The following PHACTR2 variants were observed in gnomAD, a reference collection of about 807,000 sequenced individuals.
PHACTR2 encodes phosphatase and actin regulator 2.
PHACTR2 carries 30 observed loss-of-function variants against 76.0 expected under a neutral mutation model. The ratio of observed to expected loss-of-function variants is 0.39; its 90% CI spans 0.30 to 0.54. The LOEUF (loss-of-function observed/expected upper bound fraction) is 0.54. PHACTR2 is among the 20% of genes least tolerant of loss of function. PHACTR2 has a pLI of 0.61. For missense variants in PHACTR2, 696 were observed against 781.1 expected (o/e 0.89, Z 1.30); for synonymous variants, 292 against 292.5 (o/e 1.00, Z 0.02).
chr6:143,568,550 A>G (rs548049134), intron 1 of PHACTR2, among the ~76,000 whole-genome samples: 17 of 152,356 alleles, frequency 1.1e-4, no homozygotes, highest in African/African-American at 4.1e-4. Context: ...TTCCTCCCAC[A>G]TATAAGCAAG....
At chr6:143,630,191 A>G (rs1349397358) in intron 1 of PHACTR2, among the ~76,000 whole-genome samples, 2 of 118,768 alleles carry the variant, frequency 1.7e-5, no homozygotes, top group Admixed American at 8.6e-5. Flanking sequence ...ATTTGAATGA[A>G]GATCAAAAAA....
chr6:143,690,154 C>T (rs990897600), intron 1 of PHACTR2, among the ~76,000 whole-genome samples: 1 of 152,146 alleles, frequency 6.6e-6, no homozygotes, highest in Non-Finnish European at 1.5e-5. Context: ...GCTAAGTGTC[C>T]TACATACCAT....
chr6:143,763,975 G>C (rs1454307891), intron 5 of PHACTR2, among the ~76,000 whole-genome samples: 1 of 152,206 alleles, frequency 6.6e-6, no homozygotes, highest in African/African-American at 2.4e-5. Context: ...TGAAAGAAAA[G>C]AGTATTCTCA....
chr6:143,702,531 T>C (rs1777938596), intron 1 of PHACTR2, among the ~76,000 whole-genome samples: 1 of 152,180 alleles, frequency 6.6e-6, no homozygotes, highest in South Asian at 2.1e-4. Context: ...GAAATAAGCC[T>C]GGATCAGGAA....
intron 1 of PHACTR2, among the ~76,000 whole-genome samples, chr6:143,626,454 G>C (rs1582712543): frequency 6.7e-6 from 1 of 150,336 alleles, no homozygotes; most frequent in Admixed American, 6.7e-5. Flanking sequence ...GGAGAATGGC[G>C]TGAACCCGGA....
chr6:143,706,714 ATT>A (rs1206257740), intron 1 of PHACTR2, among the ~76,000 whole-genome samples: 1 of 152,220 alleles, frequency 6.6e-6, no homozygotes, highest in Non-Finnish European at 1.5e-5. Flanking sequence ...AAAGGAAGAT[ATT>A]TGACCCAATC....
intron 1 of PHACTR2, among the ~76,000 whole-genome samples, chr6:143,568,221 C>T (rs1184020932): frequency 2.6e-5 from 4 of 152,130 alleles, no homozygotes; most frequent in Non-Finnish European, 4.4e-5. Flanking sequence ...CTAGAGATAC[C>T]ACCAAAGGAT....
chr6:143,609,303 C>T (rs780828039), intron 1 of PHACTR2, among the ~76,000 whole-genome samples: 17 of 152,140 alleles, frequency 1.1e-4, no homozygotes, highest in Non-Finnish European at 2.1e-4. Flanking sequence ...TTAAAGTCAG[C>T]GTGTATTAGG....
chr6:143,551,752 G>C (rs1445338639), intron 1 of PHACTR2, among the ~76,000 whole-genome samples: 2 of 152,146 alleles, frequency 1.3e-5, no homozygotes, highest in African/African-American at 4.8e-5. Context: ...GCAATAAGAA[G>C]ATATGTTAAT....
rs1004477333 is a variant in PHACTR2, at chr6:143,765,656, C to T, written c.1090C>T (p.Pro364Ser). 3 of 1,614,186 alleles carry T rather than the reference C, an allele frequency of 1.9e-6. No individual in the cohort carries two copies. The change falls in exon 6 of 13, where the codon CCA becomes TCA. Residue 364 changes from proline to serine, a missense_variant. By Grantham distance (74) the Pro-to-Ser change is moderately conservative. Transcript: ENST00000440869. The surrounding 1 kb of genome is among the most constrained non-coding windows in gnomAD (Gnocchi z 4.1). Reference protein sequence around the residue: ...EDQCITASDTPVVLVSVGADL... With the variant: ...EDQCITASDTSVVLVSVGADL... ...TCAGTGCATTACTGCCTCAGACACT[C>T]CAGTTGTCCTCGTCAGCGTTGGAGC...
Position 143,599,294 on chromosome 6 carries a change from A to G in PHACTR2, c.217+62087A>G, listed in dbSNP as rs1775788852. Among the ~76,000 whole-genome samples the G allele has an allele frequency of 6.6e-6, 1 of 152,238 alleles. No homozygotes were observed. The highest frequency in any genetic ancestry group is 1.9e-4 in the East Asian group (1 of 5,204). On this transcript the variant is annotated intron_variant, in intron 1 of 11. Coordinates refer to the PHACTR2 transcript ENST00000367584. The surrounding 1 kb of genome is among the most constrained non-coding windows in gnomAD (Gnocchi z 4.6). ...CGTAGGAGAAAACTAAACTTTCATT[A>G]GGCTATTTAAGGAGATCAGGCAGAA...
intron 1 of PHACTR2, among the ~76,000 whole-genome samples, chr6:143,594,631 G>A (rs1445349415): frequency 1.3e-5 from 2 of 152,248 alleles, no homozygotes; most frequent in Non-Finnish European, 2.9e-5. Context: ...TGCTACTGGA[G>A]GGGAAGTGAA....
In PHACTR2 at chr6:143,794,695, G is replaced by A. The variant is rs555359574; in HGVS notation, c.1845+5785G>A. Among the ~76,000 whole-genome samples the A allele has an allele frequency of 7.7e-4, 118 of 152,278 alleles. No individual in the cohort carries two copies. The highest frequency in any genetic ancestry group is 2.8e-3 in the African/African-American group (116 of 41,556). On this transcript the variant is annotated intron_variant, in intron 11 of 12. Coordinates refer to ENST00000440869, the MANE Select transcript of PHACTR2 (RefSeq NM_001100164.2). The surrounding 1 kb of genome is among the most constrained non-coding windows in gnomAD (Gnocchi z 4.1). Reference sequence around the variant, plus strand: ...TGTAGTCCCAGCTGCTTGGGAGACTGAAGCAGGAGAATCACTTGAACCCAG... The same window carrying A: ...TGTAGTCCCAGCTGCTTGGGAGACTAAAGCAGGAGAATCACTTGAACCCAG...
At position 143,757,959 on chromosome 6, in the gene PHACTR2, GCGCGCA is replaced by G. The variant is rs1171662426; in HGVS notation, c.455-2440_455-2435del. ...CCTGCGTGTGTGTGCATGCACACGTGCGCGCACACACACACACACACACACACACAT... is the reference window on the plus strand; with the variant it reads ...CCTGCGTGTGTGTGCATGCACACGTGCACACACACACACACACACACACAT... On this transcript the variant is annotated intron_variant, in intron 4 of 12. Coordinates refer to ENST00000440869, the MANE Select transcript of PHACTR2 (RefSeq NM_001100164.2). This position sits in a 1 kb window ranked among gnomAD's most constrained non-coding sequence, Gnocchi z 4.2. 2.0e-3 allele frequency among the ~76,000 whole-genome samples: 294 copies of G among 145,686 alleles called. 2 individuals carry two copies. The highest frequency in any genetic ancestry group is 6.9e-3 in the Middle Eastern group (2 of 288).
chr6:143,760,743 G>T lies in PHACTR2; in HGVS notation c.694+103G>T. 1 of 1,314,698 alleles carries T rather than the reference G, an allele frequency of 7.6e-7. No individual in the cohort carries two copies. The highest frequency in any genetic ancestry group is 1.0e-6 in the Non-Finnish European group (1 of 964,116). The allele number at this position is 1,314,698 out of a possible 1,614,324, so 81.4% of individuals were successfully genotyped here. A position where few individuals can be genotyped will look rare whatever the true frequency, so the allele number is the denominator to read the frequency against. On this transcript the variant is annotated intron_variant, in intron 5 of 12. Coordinates refer to ENST00000440869, the MANE Select transcript of PHACTR2 (RefSeq NM_001100164.2). This position sits in a 1 kb window ranked among gnomAD's most constrained non-coding sequence, Gnocchi z 6.4. ...GTGTGATGGGCTTTTGGTGTCTTAGGACATTACACCAGCAGGTTCAGCTTT... is the reference window on the plus strand; with the variant it reads ...GTGTGATGGGCTTTTGGTGTCTTAGTACATTACACCAGCAGGTTCAGCTTT...
rs368527877 is a variant in PHACTR2, at chr6:143,626,414, T to G, written c.13+18092T>G. On this transcript the variant is annotated intron_variant, in intron 1 of 11. Coordinates refer to the PHACTR2 transcript ENST00000305766. The stretch of plus-strand genomic sequence containing the variant: ...TAGCCGGGCGCGGTGGTGGGCGCCT[T>G]TAGTCCCAGGTACTCCGGAGGCTGA... 9.0e-3 allele frequency among the ~76,000 whole-genome samples: 1,368 copies of G among 151,882 alleles called. 24 individuals are homozygous for G. The highest frequency in any genetic ancestry group is 0.031 in the African/African-American group (1,287 of 41,364).
Position 143,767,428 on chromosome 6 carries a change from A to G in PHACTR2, c.1232+1630A>G, listed in dbSNP as rs1779585486. Among the ~76,000 whole-genome samples the G allele has an allele frequency of 6.6e-6, 1 of 152,220 alleles. No individual in the cohort carries two copies. The highest frequency in any genetic ancestry group is 2.1e-4 in the South Asian group (1 of 4,822). ...TTGAAGGACAGCCAAGAAAAAATAA[A>G]TGTCAAATTACAAATTAATTTATTT... On this transcript the variant is annotated intron_variant, in intron 6 of 12. Transcript: ENST00000440869. The surrounding 1 kb of genome is among the most constrained non-coding windows in gnomAD (Gnocchi z 4.4).
chr6:143,688,177 CTT>C lies in PHACTR2; in HGVS notation c.46+9979_46+9980del, dbSNP rs11356590. 1.4e-4 allele frequency among the ~76,000 whole-genome samples: 21 copies of C among 148,110 alleles called. No individual in the cohort carries two copies. Among genetic ancestry groups the C allele is most frequent in the South Asian group, 4.3e-4 (2 of 4,662 alleles). ...CCACAGGCAATGGGAACCACTGACG[CTT>C]TTTTTTTTTTAAATCAAACCAGAGA... On this transcript the variant is annotated intron_variant, in intron 1 of 12. Transcript: ENST00000440869. The surrounding 1 kb of genome is among the most constrained non-coding windows in gnomAD (Gnocchi z 5.2).
At chr6:143,630,699 T>C (rs1776350241) in intron 1 of PHACTR2, among the ~76,000 whole-genome samples, 1 of 152,216 alleles carries the variant, frequency 6.6e-6, no homozygotes, top group Admixed American at 6.5e-5. Context: ...AGAGCAGGTC[T>C]ACATCATACG....
Sources: allele counts gnomAD v4.1 joint callset (sites outside exome capture counted in the v4.1 genomes callset), GRCh38; gene constraint gnomAD v4.1.1; non-coding constraint Gnocchi (gnomAD v3.1); transcripts MANE v1.5; gene names NCBI Gene and HGNC (gene_info 2026-07-23, HGNC 2026-07-21).